Variants in STK38L observed in about 807,000 individuals in gnomAD.
STK38L encodes the protein serine/threonine-protein kinase 38-like.
STK38L carries 28 observed loss-of-function variants against 59.7 expected under a neutral mutation model. That is an observed-to-expected ratio of 0.47 (90% CI 0.35 to 0.64). The LOEUF (loss-of-function observed/expected upper bound fraction) is 0.64, where lower values mean the gene tolerates loss of function less well. Among genes scored for constraint, STK38L ranks in the 30% least tolerant of loss-of-function variants. The probability of loss-of-function intolerance (pLI) is 0.01; values close to 1 mark genes in which losing one functional copy is unlikely to be tolerated. For synonymous variants in STK38L, 162 were observed against 176.8 expected (o/e 0.92, Z 0.66); for missense variants, 314 against 555.8 (o/e 0.56, Z 4.37).
chr12:27,268,933 G>C (rs1293119276), intron 1 of STK38L, among the ~76,000 whole-genome samples: 2 of 152,138 alleles, frequency 1.3e-5, no homozygotes, highest in East Asian at 3.8e-4. Context: ...AGAAGTGTCT[G>C]TTCATATCCT....
chr12:27,274,787 T>G (rs1943497759), intron 1 of STK38L, among the ~76,000 whole-genome samples: 1 of 152,250 alleles, frequency 6.6e-6, no homozygotes, highest in South Asian at 2.1e-4. Flanking sequence ...GTTACCTTTA[T>G]TGTACATTAA....
At chr12:27,319,505 C>A in intron 12 of STK38L, 82 bp downstream of exon 12, 2 of 913,644 alleles carry the variant, frequency 2.2e-6, no homozygotes, top group Non-Finnish European at 3.5e-6. Flanking sequence ...TCTGATTCTG[C>A]TAGATTAAAT....
chr12:27,252,903 T>C (rs917440221), intron 1 of STK38L, among the ~76,000 whole-genome samples: 2 of 152,222 alleles, frequency 1.3e-5, no homozygotes, highest in African/African-American at 4.8e-5. Context: ...TAGAGACAAA[T>C]AGATGTTTGG....
At chr12:27,315,829 C>T (rs1944572572) in intron 9 of STK38L, among the ~76,000 whole-genome samples, 1 of 152,154 alleles carries the variant, frequency 6.6e-6, no homozygotes, top group African/African-American at 2.4e-5. Context: ...AAAAAGCTGG[C>T]TTTGCCACAG....
rs1164676863 is a variant in STK38L, at chr12:27,325,870, G to A, written c.*3415G>A. On this transcript the variant is annotated 3_prime_UTR_variant, in exon 14 of 14. Transcript: ENST00000389032. The stretch of plus-strand genomic sequence containing the variant: ...TAATCATGAGGCTACTGAGTTTGGT[G>A]TTCAGTTACTGAGTTTCAAAAATGT... The A allele has an allele frequency of 6.6e-6, 1 of 152,100 alleles. No individual in the cohort carries two copies. The highest frequency in any genetic ancestry group is 1.5e-5 in the Non-Finnish European group (1 of 68,018). The allele number at this position is 152,100 out of a possible 1,614,324, so 9.4% of individuals were successfully genotyped here. A position where few individuals can be genotyped will look rare whatever the true frequency, so the allele number is the denominator to read the frequency against.
chr12:27,272,671 T>C (rs1358041928), intron 1 of STK38L, among the ~76,000 whole-genome samples: 1 of 152,220 alleles, frequency 6.6e-6, no homozygotes, highest in East Asian at 1.9e-4. Context: ...CAGCCAAATA[T>C]CTTACAAGAT....
intron 3 of STK38L, among the ~76,000 whole-genome samples, chr12:27,306,064 T>TAC (rs1944303448): frequency 1.3e-5 from 2 of 152,222 alleles, no homozygotes; most frequent in Admixed American, 1.3e-4. Flanking sequence ...CAATTTTTTT[T>TAC]AACTAATGTA....
At chr12:27,270,739 C>A (rs955116758) in intron 1 of STK38L, among the ~76,000 whole-genome samples, 4 of 152,056 alleles carry the variant, frequency 2.6e-5, no homozygotes, top group Non-Finnish European at 5.9e-5. Flanking sequence ...GTCTTGAACT[C>A]CTGGGCTTAA....
At chr12:27,294,905 T>C in intron 1 of STK38L, among the ~76,000 whole-genome samples, 1 of 150,538 alleles carries the variant, frequency 6.6e-6, no homozygotes, top group Non-Finnish European at 1.5e-5. Context: ...ATTGTAGAGA[T>C]GAGGAGATCC....
chr12:27,309,119 G>C lies in STK38L; in HGVS notation c.315G>C (p.Arg105=). ...ATATGTTTTTTATCTTTTAGGTGCG[G>C]TTGGTCCAGAAGAAAGATACAGGCC... ...VIGRGAFGEV[R]LVQKKDTGHI... The change falls in exon 5 of 14, where the codon CGG becomes CGC. Residue 105 remains arginine (R), a synonymous_variant. Coordinates refer to ENST00000389032, the MANE Select transcript of STK38L (RefSeq NM_015000.4). The C allele has an allele frequency of 1.3e-6, 2 of 1,585,610 alleles. No homozygotes were observed. The highest frequency in any genetic ancestry group is 1.7e-6 in the Non-Finnish European group (2 of 1,166,676).
chr12:27,300,372 A>G (rs992697030), intron 2 of STK38L, among the ~76,000 whole-genome samples: 7 of 152,240 alleles, frequency 4.6e-5, no homozygotes, highest in South Asian at 2.1e-4. Context: ...CTGTTTAGAT[A>G]TGGTAGAAAT....
intron 1 of STK38L, among the ~76,000 whole-genome samples, chr12:27,253,737 T>A (rs1166192316): frequency 6.6e-6 from 1 of 152,164 alleles, no homozygotes; most frequent in African/African-American, 2.4e-5. Flanking sequence ...GAGGAGTGTT[T>A]CAGGCCGAGA....
chr12:27,274,405 C>T (rs1276823211), intron 1 of STK38L, among the ~76,000 whole-genome samples: 1 of 152,120 alleles, frequency 6.6e-6, no homozygotes, highest in Non-Finnish European at 1.5e-5. Flanking sequence ...AGGATCATTG[C>T]TGATATGGTT....
rs1353049816 is a variant in STK38L, at chr12:27,324,093, C to A, written c.*1638C>A. The stretch of plus-strand genomic sequence containing the variant: ...TAAATGTTGCTGCTGGGTAGCTCCA[C>A]AGTGTTTCATAAGGCCATCCTGTTT... On this transcript the variant is annotated 3_prime_UTR_variant, in exon 14 of 14. Transcript: ENST00000389032. 2 of 152,068 alleles carry A rather than the reference C, an allele frequency of 1.3e-5. No individual in the cohort carries two copies. The highest frequency in any genetic ancestry group is 2.9e-5 in the Non-Finnish European group (2 of 67,970). 9.4% of individuals were successfully genotyped at this position (152,068 alleles called of 1,614,324 possible).
At chr12:27,244,355 C>A (rs1591834653) in intron 1 of STK38L, 23 bp downstream of exon 1, 1 of 152,454 alleles carries the variant, frequency 6.6e-6, no homozygotes, top group Non-Finnish European at 1.5e-5. Flanking sequence ...ATGTAGCGCT[C>A]GGCTGAGGGC....
chr12:27,281,801 G>A (rs1443336646), intron 1 of STK38L, among the ~76,000 whole-genome samples: 2 of 152,084 alleles, frequency 1.3e-5, no homozygotes, highest in African/African-American at 4.8e-5. Flanking sequence ...TTGGGAGGCC[G>A]AGACGGGTGG....
At chr12:27,277,228 G>T (rs1360398481) in intron 1 of STK38L, among the ~76,000 whole-genome samples, 1 of 148,092 alleles carries the variant, frequency 6.8e-6, no homozygotes, top group Admixed American at 6.7e-5. Context: ...TTTAAAGTAC[G>T]AGTAATTACT....
intron 1 of STK38L, among the ~76,000 whole-genome samples, chr12:27,279,036 A>G (rs1343295526): frequency 6.6e-6 from 1 of 152,250 alleles, no homozygotes; most frequent in East Asian, 1.9e-4. Context: ...TCCCTGACTT[A>G]TGAATTTTCA....
At chr12:27,321,867 G>T (rs565708771) in intron 12 of STK38L, among the ~76,000 whole-genome samples, 1 of 152,188 alleles carries the variant, frequency 6.6e-6, no homozygotes, top group South Asian at 2.1e-4. Flanking sequence ...TTTCATGCCA[G>T]TATTAAAACC....
Sources: allele counts gnomAD v4.1 joint callset (sites outside exome capture counted in the v4.1 genomes callset), GRCh38; gene constraint gnomAD v4.1.1; transcripts MANE v1.5; gene names NCBI Gene and HGNC (gene_info 2026-07-23, HGNC 2026-07-21).